Variants in CAMTA1 observed in about 807,000 individuals in gnomAD.
CAMTA1 encodes the protein calmodulin-binding transcription activator 1.
Under a neutral mutation model 170.9 loss-of-function variants are expected in CAMTA1, and 27 were observed. The ratio of observed to expected loss-of-function variants is 0.16; its 90% CI spans 0.12 to 0.22. CAMTA1 has a LOEUF of 0.22. CAMTA1 is among the 10% of genes least tolerant of loss of function. The probability of loss-of-function intolerance (pLI) is 1.00; values close to 1 mark genes in which losing one functional copy is unlikely to be tolerated. For missense variants in CAMTA1, 1,619 were observed against 2,217.2 expected, an observed-to-expected ratio of 0.73 and a Z score of 5.42; for synonymous variants, 833 against 891.5, an observed-to-expected ratio of 0.93 and a Z score of 1.17.
chr1:7,296,489 G>A (rs1673961193), intron 5 of CAMTA1, among the ~76,000 whole-genome samples: 1 of 152,168 alleles, frequency 6.6e-6, no homozygotes, highest in Admixed American at 6.5e-5. Flanking sequence ...GAAGAAGTGG[G>A]TTGACTGGGA....
intron 6 of CAMTA1, among the ~76,000 whole-genome samples, chr1:7,560,166 G>A (rs146298692): frequency 8.1e-4 from 123 of 152,322 alleles, no homozygotes; most frequent in Middle Eastern, 3.4e-3. Context: ...CCCTGGTCCC[G>A]AAGGGGGAAT....
At chr1:7,355,482 C>G (rs888227407) in intron 5 of CAMTA1, among the ~76,000 whole-genome samples, 6 of 152,192 alleles carry the variant, frequency 3.9e-5, no homozygotes, top group African/African-American at 1.4e-4. Context: ...GAATTTCTGT[C>G]TTTCCCTCTC....
At chr1:7,667,741 A>ATGGCAGCCTGGCAGCC (rs113247920) in intron 9 of CAMTA1, among the ~76,000 whole-genome samples, 1 of 152,150 alleles carries the variant, frequency 6.6e-6, no homozygotes, top group African/African-American at 2.4e-5. Flanking sequence ...CAGGAACGCA[A>ATGGCAGCCTGGCAGCC]TGGCAGCCTG....
intron 3 of CAMTA1, among the ~76,000 whole-genome samples, chr1:7,077,224 GTTTTTTTTTTT>G (rs113439901): frequency 3.9e-4 from 46 of 118,634 alleles, no homozygotes; most frequent in African/African-American, 1.4e-3. Flanking sequence ...TTAAGGAAAG[GTTTTTTTTTTT>G]TTTTTTTTTG....
rs1282408352 is a variant in CAMTA1 at position 7,248,119 on chromosome 1, C to T, written c.303-1372C>T. Among the ~76,000 whole-genome samples, 2 of 152,142 alleles carry T rather than the reference C, an allele frequency of 1.3e-5. No homozygotes were observed. Among genetic ancestry groups the T allele is most frequent in the Non-Finnish European group, 2.9e-5 (2 of 68,022 alleles). ...ACATAGTGGGGCTGGGTGGAAACTA[C>T]AATTAGCTGCAGTCACCCTGGTGGG... On this transcript the variant is annotated intron_variant, in intron 4 of 22. Transcript: ENST00000303635. The surrounding 1 kb of genome is among the most constrained non-coding windows in gnomAD (Gnocchi z 4.0).
intron 4 of CAMTA1, among the ~76,000 whole-genome samples, chr1:7,204,081 G>A (rs368334468): frequency 2.5e-3 from 385 of 151,678 alleles, no homozygotes; most frequent in Middle Eastern, 6.8e-3. Flanking sequence ...CTCGTGATCC[G>A]CTCGCCTCAG....
chr1:7,488,570 A>G (rs879674729), intron 6 of CAMTA1, among the ~76,000 whole-genome samples: 2 of 151,850 alleles, frequency 1.3e-5, no homozygotes, highest in Non-Finnish European at 2.9e-5. Context: ...GCATGCACAT[A>G]CATCTGTACA....
chr1:7,027,000 T>C (rs1702111541), intron 3 of CAMTA1, among the ~76,000 whole-genome samples: 1 of 152,116 alleles, frequency 6.6e-6, no homozygotes. Flanking sequence ...AAATGTCTTA[T>C]CTTTATGGTG....
chr1:7,215,398 T>C (rs1659575376), intron 4 of CAMTA1, among the ~76,000 whole-genome samples: 1 of 152,222 alleles, frequency 6.6e-6, no homozygotes. Flanking sequence ...TAGTTTTTTG[T>C]TTGTTTGTTT....
chr1:7,493,271 A>C lies in CAMTA1; in HGVS notation c.510+25370A>C, dbSNP rs543179569. Among the ~76,000 whole-genome samples the C allele has an allele frequency of 5.5e-4, 45 of 81,144 alleles. 1 individual carries two copies. Among genetic ancestry groups the C allele is most frequent in the African/African-American group, 3.6e-3 (41 of 11,316 alleles). The allele number at this position is 81,144 out of a possible 152,430, so 53.2% of individuals were successfully genotyped here. On this transcript the variant is annotated intron_variant, in intron 6 of 22. Coordinates refer to ENST00000303635, the MANE Select transcript of CAMTA1 (RefSeq NM_015215.4). The stretch of plus-strand genomic sequence containing the variant: ...CACACAAACCTACGTACACACGCAC[A>C]CAAACATACACGCGCACAAACACAA...
chr1:7,707,464 C>A (rs1197801773), intron 11 of CAMTA1, among the ~76,000 whole-genome samples: 2 of 152,124 alleles, frequency 1.3e-5, no homozygotes, highest in Non-Finnish European at 2.9e-5. Context: ...CAGCCTCCAC[C>A]TCCCGGGCTC....
rs527552993 is a variant in CAMTA1 at position 7,708,222 on chromosome 1, T to G, written c.2915-24226T>G. On this transcript the variant is annotated intron_variant, in intron 11 of 22. Coordinates refer to ENST00000303635, the MANE Select transcript of CAMTA1 (RefSeq NM_015215.4). ...GTTGCATGCCTACAGTCCCAGCTAC[T>G]CAGGAGGCTGAGGTGGGAGGATCGC... 6.6e-5 allele frequency among the ~76,000 whole-genome samples: 10 copies of G among 152,078 alleles called. No individual in the cohort carries two copies. In the East Asian group the frequency reaches 1.9e-3, roughly 29 times the overall value.
intron 5 of CAMTA1, among the ~76,000 whole-genome samples, chr1:7,390,035 C>T (rs2088511705): frequency 6.6e-6 from 1 of 152,184 alleles, no homozygotes; most frequent in Admixed American, 6.5e-5. Context: ...AGCCCTGAAT[C>T]ACTGATTCAT....
At chr1:7,678,795 C>T (rs2096152252) in intron 11 of CAMTA1, among the ~76,000 whole-genome samples, 1 of 152,210 alleles carries the variant, frequency 6.6e-6, no homozygotes, top group African/African-American at 2.4e-5. Context: ...GGGGTGGGTT[C>T]TCCAAGCAAC....
intron 3 of CAMTA1, among the ~76,000 whole-genome samples, chr1:6,909,769 T>G (rs1679317792): frequency 6.6e-6 from 1 of 152,236 alleles, no homozygotes; most frequent in South Asian, 2.1e-4. Flanking sequence ...ATACAATTAA[T>G]CTGTGTGCAC....
rs145741476 is a variant in CAMTA1 at position 7,619,283 on chromosome 1, C to T, written c.511-21117C>T. Among the ~76,000 whole-genome samples, 777 of 152,302 alleles carry T rather than the reference C, an allele frequency of 5.1e-3. 5 individuals are homozygous for T. Among genetic ancestry groups the T allele is most frequent in the African/African-American group, 0.017 (707 of 41,566 alleles). On this transcript the variant is annotated intron_variant, in intron 6 of 22. Coordinates refer to ENST00000303635, the MANE Select transcript of CAMTA1 (RefSeq NM_015215.4). Reference sequence around the variant, plus strand: ...TGCAGAATGTATTCTATCACCTACGCGGAAAGCCAGAGAGAGTGCGAACTG... The same window carrying T: ...TGCAGAATGTATTCTATCACCTACGTGGAAAGCCAGAGAGAGTGCGAACTG...
intron 3 of CAMTA1, among the ~76,000 whole-genome samples, chr1:7,072,751 T>C (rs1191643665): frequency 6.6e-6 from 1 of 152,062 alleles, no homozygotes. Flanking sequence ...GTGAACCGAG[T>C]AGGATTCTGA....
At position 7,663,675 on chromosome 1, in the gene CAMTA1, G is replaced by A. The variant is rs760201398; in HGVS notation, c.1128G>A (p.Pro376=). 144 of 1,614,040 alleles carry A rather than the reference G, an allele frequency of 8.9e-5. No individual in the cohort carries two copies. Among genetic ancestry groups the A allele is most frequent in the South Asian group, 3.1e-4 (28 of 91,086 alleles). Reference sequence around the variant, plus strand: ...GCGACCCGGACATGGTGGACAGCCCGGTGGTCACAGGTGTGTCCGGTATGG... The same window carrying A: ...GCGACCCGGACATGGTGGACAGCCCAGTGGTCACAGGTGTGTCCGGTATGG... ...LNSDPDMVDS[P]VVTGVSGMAV... The change falls in exon 9 of 23, where the codon CCG becomes CCA. Residue 376 remains proline, a synonymous_variant. Coordinates refer to ENST00000303635, the MANE Select transcript of CAMTA1 (RefSeq NM_015215.4).
chr1:6,944,006 T>C (rs1687167029), intron 3 of CAMTA1, among the ~76,000 whole-genome samples: 1 of 152,180 alleles, frequency 6.6e-6, no homozygotes, highest in Non-Finnish European at 1.5e-5. Context: ...ACTCTGTTCC[T>C]GTTAAGCACG....
Sources: gnomAD v4.1 joint callset for allele counts (sites outside exome capture counted in the v4.1 genomes callset) on GRCh38, gnomAD v4.1.1 for gene constraint, Gnocchi (gnomAD v3.1) non-coding constraint, MANE v1.5 for transcripts, NCBI Gene and HGNC (gene_info 2026-07-23, HGNC 2026-07-21) for gene names.